The following LOXL3 variants were observed in gnomAD, a reference collection of about 807,000 sequenced individuals.
LOXL3 encodes lysyl oxidase homolog 3.
In LOXL3, 60 loss-of-function variants were observed where a neutral mutation model predicts 91.8. The ratio of observed to expected loss-of-function variants is 0.65; its 90% CI spans 0.53 to 0.81. The LOEUF (loss-of-function observed/expected upper bound fraction) is 0.81, where lower values mean the gene tolerates loss of function less well. LOXL3 is among the 30% of genes least tolerant of loss of function. The pLI is 0.00. For synonymous variants in LOXL3, 355 were observed against 387.6 expected, an observed-to-expected ratio of 0.92 and a Z score of 0.99; for missense variants, 874 against 1,000.4, an observed-to-expected ratio of 0.87 and a Z score of 1.70.
intron 4 of LOXL3, among the ~76,000 whole-genome samples, chr2:74,541,430 T>C (rs1449203304): frequency 6.6e-6 from 1 of 152,362 alleles, no homozygotes; most frequent in Non-Finnish European, 1.5e-5. Flanking sequence ...AGCTTCTTCC[T>C]GAGGATGTAC....
chr2:74,545,965 T>TTAG (rs1188111708), intron 4 of LOXL3, among the ~76,000 whole-genome samples: 1 of 152,178 alleles, frequency 6.6e-6, no homozygotes, highest in Non-Finnish European at 1.5e-5. Flanking sequence ...ACCAAGTTCC[T>TTAG]ACCCTCCACC....
chr2:74,546,322 C>T (rs1042566331), intron 4 of LOXL3, among the ~76,000 whole-genome samples: 20 of 152,134 alleles, frequency 1.3e-4, no homozygotes, highest in African/African-American at 4.8e-4. Flanking sequence ...AATGGAAGCC[C>T]GATGTCACAC....
chr2:74,540,289 T>C (rs894776322), intron 4 of LOXL3, among the ~76,000 whole-genome samples: 4 of 152,194 alleles, frequency 2.6e-5, no homozygotes, highest in Admixed American at 6.5e-5. Context: ...TAAGGACTCC[T>C]GAGTCCAGAT....
chr2:74,555,654 G>A (rs759604626), upstream of LOXL3: 1 of 1,614,052 alleles, frequency 6.2e-7, no homozygotes, highest in South Asian at 1.1e-5. The surrounding 1 kb of genome is among the most constrained non-coding windows in gnomAD (Gnocchi z 6.1). Flanking sequence ...TCCTTGTACA[G>A]CCCTACCTGG....
intron 4 of LOXL3, among the ~76,000 whole-genome samples, chr2:74,540,078 A>ACCTTGTGAT (rs1676236938): frequency 6.6e-6 from 1 of 151,956 alleles, no homozygotes; most frequent in African/African-American, 2.4e-5. Context: ...CGAACTCCTG[A>ACCTTGTGAT]CCTTGTGATC....
Position 74,550,310 on chromosome 2 carries a change from C to A in LOXL3, c.352G>T (p.Glu118Ter). Residue 118 changes from glutamate to a stop codon, truncating the protein, a stop_gained, in exon 3 of 14, where the codon GAG becomes TAG. Transcript: ENST00000264094. LOFTEE classifies it high-confidence loss of function. ...GAGGCACATTCAGTCACACTCTGCT[C>A]GGTCCCACTGCAGCTCAAGTTGTCC... is the stretch of plus-strand genomic sequence containing the variant. ...WLDNLSCSGT[E>*]QSVTECASRG... is the part of the protein sequence containing the mutation. The A allele has an allele frequency of 6.2e-7, 1 of 1,614,098 alleles. No homozygotes were observed. Among genetic ancestry groups the A allele is most frequent in the Non-Finnish European group, 8.5e-7 (1 of 1,179,992 alleles).
intron 1 of LOXL3, 118 bp from the exon 2 acceptor site, chr2:74,552,764 A>G: frequency 1.1e-6 from 1 of 886,638 alleles, no homozygotes. Flanking sequence ...AGAGACAGCG[A>G]GAGACAACAG....
At chr2:74,538,529 C>T (rs1309829318) in intron 4 of LOXL3, among the ~76,000 whole-genome samples, 1 of 152,142 alleles carries the variant, frequency 6.6e-6, no homozygotes, top group Non-Finnish European at 1.5e-5. Flanking sequence ...GATGTAATTA[C>T]AGGGGTTGGA....
intron 2 of LOXL3, among the ~76,000 whole-genome samples, chr2:74,551,586 T>C (rs568851008): frequency 1.3e-5 from 2 of 152,390 alleles, no homozygotes; most frequent in East Asian, 3.8e-4. Flanking sequence ...CCTTGAAACT[T>C]GGCTTCTGAA....
chr2:74,535,218 C>T lies in LOXL3; in HGVS notation c.1579+74G>A. 4.0e-6 allele frequency: 6 copies of T among 1,506,958 alleles called. No individual in the cohort carries two copies. The highest frequency in any genetic ancestry group is 5.4e-6 in the Non-Finnish European group (6 of 1,116,844). The allele number at this position is 1,506,958 out of a possible 1,614,324, so 93.3% of individuals were successfully genotyped here. On this transcript the variant is annotated intron_variant, in intron 9 of 13. Coordinates refer to ENST00000264094, the MANE Select transcript of LOXL3 (RefSeq NM_032603.5). The surrounding 1 kb of genome is among the most constrained non-coding windows in gnomAD (Gnocchi z 4.2). ...GGGGAAGAAGTGCCCCTCCAGATTA[C>T]AGCCCCCTTTCCCTGCAAACGGGTG...
chr2:74,543,926 AAAG>A (rs1158351092), intron 4 of LOXL3, among the ~76,000 whole-genome samples: 1 of 151,048 alleles, frequency 6.6e-6, no homozygotes, highest in Non-Finnish European at 1.5e-5. Flanking sequence ...AAAAAAAAGA[AAAG>A]AAAAGAAAAA....
intron 4 of LOXL3, among the ~76,000 whole-genome samples, chr2:74,545,637 T>C (rs962048542): frequency 6.6e-6 from 1 of 152,218 alleles, no homozygotes; most frequent in Non-Finnish European, 1.5e-5. Flanking sequence ...TGGGCAGCAC[T>C]GACTTAGCTG....
In LOXL3 at chr2:74,536,318, C is replaced by T. The variant is rs201617146; in HGVS notation, c.1066G>A (p.Ala356Thr). The T allele has an allele frequency of 3.7e-6, 6 of 1,613,964 alleles. No homozygotes were observed. The African/African-American group carries it at 8.0e-5, about 22-fold the overall frequency. The stretch of plus-strand genomic sequence containing the variant: ...TGCCCCATGCGAGCGCCACTCAGAG[C>T]TTCTCGAGCACTCCCGAAGCCCAGC... Reference protein sequence around the residue: ...RELGFGSAREALSGARMGQGM... With the variant: ...RELGFGSARETLSGARMGQGM... The change falls in exon 6 of 14, where the codon GCT (alanine) becomes ACT (threonine). Residue 356 changes from alanine (A) to threonine (T), a missense_variant. Coordinates refer to ENST00000264094, the MANE Select transcript of LOXL3 (RefSeq NM_032603.5). The surrounding 1 kb of genome is among the most constrained non-coding windows in gnomAD (Gnocchi z 4.5).
chr2:74,547,163 A>G (rs1676643661), intron 4 of LOXL3, among the ~76,000 whole-genome samples: 1 of 151,948 alleles, frequency 6.6e-6, no homozygotes, highest in African/African-American at 2.4e-5. Context: ...GGCACGCACC[A>G]CCATGTTCAG....
Position 74,535,184 on chromosome 2 carries a change from C to T in LOXL3, c.1579+108G>A, listed in dbSNP as rs1675929446. 2 of 1,324,932 alleles carry T rather than the reference C, an allele frequency of 1.5e-6. No individual in the cohort carries two copies. The highest frequency in any genetic ancestry group is 2.9e-5 in the South Asian group (2 of 69,664). 82.1% of individuals were successfully genotyped at this position (1,324,932 alleles called of 1,614,324 possible). On this transcript the variant is annotated intron_variant, in intron 9 of 13. Coordinates refer to ENST00000264094, the MANE Select transcript of LOXL3 (RefSeq NM_032603.5). This position sits in a 1 kb window ranked among gnomAD's most constrained non-coding sequence, Gnocchi z 4.2. ...GAGCCACTGCACCCGGCGAAACTGG[C>T]TCTTTTATGGGGAAGAAGTGCCCCT...
At chr2:74,550,370 GAC>G (rs985816379) in intron 2 of LOXL3, 22 bp from the exon 3 acceptor site, 17 of 1,608,660 alleles carry the variant, frequency 1.1e-5, no homozygotes, top group Non-Finnish European at 1.2e-5. Flanking sequence ...GAGATGAAGG[GAC>G]AGAGAAGCTT....
intron 4 of LOXL3, among the ~76,000 whole-genome samples, chr2:74,537,489 A>T (rs985761975): frequency 1.3e-5 from 2 of 152,240 alleles, no homozygotes; most frequent in African/African-American, 2.4e-5. Context: ...TGCAGCAAGA[A>T]CAGACCAGCA....
chr2:74,535,235 A>C lies in LOXL3; in HGVS notation c.1579+57T>G. 6.4e-7 allele frequency: 1 copy of C among 1,554,874 alleles called. No individual in the cohort carries two copies. Among genetic ancestry groups the C allele is most frequent in the South Asian group, 1.2e-5 (1 of 83,516 alleles). On this transcript the variant is annotated intron_variant, in intron 9 of 13. Coordinates refer to ENST00000264094, the MANE Select transcript of LOXL3 (RefSeq NM_032603.5). The surrounding 1 kb of genome is among the most constrained non-coding windows in gnomAD (Gnocchi z 4.2). ...CCAGATTACAGCCCCCTTTCCCTGC[A>C]AACGGGTGGCCCAGACACTCCCTTC...
At chr2:74,552,269 G>T (rs1677061935) in intron 2 of LOXL3, 53 bp downstream of exon 2, 4 of 1,522,736 alleles carry the variant, frequency 2.6e-6, no homozygotes, top group Non-Finnish European at 3.6e-6. Flanking sequence ...CCCTTTCCCT[G>T]CACTTTGGCC....
Sources: allele counts gnomAD v4.1 joint callset (sites outside exome capture counted in the v4.1 genomes callset), GRCh38; gene constraint gnomAD v4.1.1; non-coding constraint Gnocchi (gnomAD v3.1); transcripts MANE v1.5; gene names NCBI Gene and HGNC (gene_info 2026-07-23, HGNC 2026-07-21).